NOM1: variants seen among roughly 807,000 people sequenced by gnomAD.
NOM1 encodes nucleolar protein with MIF4G domain 1, also known as nucleolar MIF4G domain-containing protein 1.
NOM1 carries 58 observed loss-of-function variants against 73.3 expected under a neutral mutation model. The ratio of observed to expected loss-of-function variants is 0.79; its 90% CI spans 0.64 to 0.99. The LOEUF (loss-of-function observed/expected upper bound fraction) is 0.99. Among genes scored for constraint, NOM1 ranks in the 50% least tolerant of loss-of-function variants. The probability of loss-of-function intolerance (pLI) is 0.00; values close to 1 mark genes in which losing one functional copy is unlikely to be tolerated. For missense variants in NOM1, 1,226 were observed against 1,131.9 expected (o/e 1.08, Z -1.19); for synonymous variants, 487 against 446.8 (o/e 1.09, Z -1.14).
intron 1 of NOM1, among the ~76,000 whole-genome samples, chr7:156,951,373 C>G (rs1303903219): frequency 2.0e-5 from 3 of 151,956 alleles, no homozygotes; most frequent in Non-Finnish European, 4.4e-5. Context: ...GGCGAGAGAG[C>G]CAGACTCTGT....
rs1270254933 is a variant in NOM1 at position 156,963,320 on chromosome 7, G to A, written c.1911+145G>A. The A allele has an allele frequency of 1.2e-5, 9 of 750,132 alleles. No individual in the cohort carries two copies. In the Admixed American group the frequency reaches 1.3e-4, roughly 11 times the overall value. The allele number at this position is 750,132 out of a possible 1,614,324, so 46.5% of individuals were successfully genotyped here. On this transcript the variant is annotated intron_variant, in intron 6 of 10. Coordinates refer to ENST00000275820, the MANE Select transcript of NOM1 (RefSeq NM_138400.2). ...TTTATCTGGAGGCCTTACAGAAATT[G>A]CTATTAATATTACATTGTGATATAA...
chr7:156,949,796 T>G lies in NOM1; in HGVS notation c.59T>G (p.Val20Gly), dbSNP rs1392638735. Residue 20 changes from valine to glycine, a missense_variant, in exon 1 of 11, where the codon GTC becomes GGC. Val to Gly is a moderately radical substitution (Grantham distance 109). Transcript: ENST00000275820. Reference protein sequence around the residue: ...AGPGGSQGRVVRMKRRGGRGP... With the variant: ...AGPGGSQGRVGRMKRRGGRGP... Reference sequence around the variant, plus strand: ...CCGGGCGGCTCCCAGGGACGCGTGGTCCGCATGAAGCGCAGAGGCGGGCGC... The same window carrying G: ...CCGGGCGGCTCCCAGGGACGCGTGGGCCGCATGAAGCGCAGAGGCGGGCGC... The G allele has an allele frequency of 7.0e-7, 1 of 1,420,532 alleles. No individual in the cohort carries two copies. The highest frequency in any genetic ancestry group is 1.5e-5 in the South Asian group (1 of 65,138). The allele number at this position is 1,420,532 out of a possible 1,614,324, so 88.0% of individuals were successfully genotyped here. A position where few individuals can be genotyped will look rare whatever the true frequency, so the allele number is the denominator to read the frequency against.
At chr7:156,964,082 G>A (rs1586573789) in intron 7 of NOM1, 56 bp downstream of exon 7, 2 of 1,576,868 alleles carry the variant, frequency 1.3e-6, no homozygotes, top group Admixed American at 3.5e-5. Flanking sequence ...AAATAAGTAA[G>A]TTGATTTGCT....
At position 156,962,164 on chromosome 7, in the gene NOM1, T is replaced by A. The variant is rs777790757; in HGVS notation, c.1646T>A (p.Leu549Gln). 10 of 1,613,912 alleles carry A rather than the reference T, an allele frequency of 6.2e-6. No homozygotes were observed. Among genetic ancestry groups the A allele is most frequent in the Non-Finnish European group, 7.6e-6 (9 of 1,179,838 alleles). The stretch of plus-strand genomic sequence containing the variant: ...TTTTTCTTGAAGATTCGGTTTATGC[T>A]AGAGACGATGTTGGCCCTGAAGAAC... ...FQDQTRIRFM[L>Q]ETMLALKNND... Residue 549 changes from leucine to glutamine, a missense_variant, in exon 5 of 11, where the codon CTA becomes CAA. Transcript: ENST00000275820.
At chr7:156,956,315 C>T (rs112553239) in intron 3 of NOM1, among the ~76,000 whole-genome samples, 12 of 152,206 alleles carry the variant, frequency 7.9e-5, no homozygotes, top group South Asian at 2.1e-4. Context: ...CATGCTGTAA[C>T]GCGCACGGTC....
At chr7:156,964,102 T>G (rs1225742862) in intron 7 of NOM1, 76 bp downstream of exon 7, 1 of 1,499,214 alleles carries the variant, frequency 6.7e-7, no homozygotes, top group Admixed American at 1.8e-5. Flanking sequence ...TTTTTGAGTT[T>G]TGGACGACTG....
intron 3 of NOM1, among the ~76,000 whole-genome samples, chr7:156,957,245 C>T (rs1019817332): frequency 2.6e-5 from 4 of 152,060 alleles, no homozygotes; most frequent in African/African-American, 4.8e-5. Context: ...GTGTTAAAGA[C>T]GATGGTGTCA....
At position 156,970,330 on chromosome 7, in the gene NOM1, G is replaced by C. The variant is rs1171849756; in HGVS notation, c.*627G>C. The stretch of plus-strand genomic sequence containing the variant: ...AATTAATAGATAAAACAGGCCACTA[G>C]AGGGTGCAGTTATAAAGAAATTGAT... On this transcript the variant is annotated 3_prime_UTR_variant, in exon 11 of 11. Coordinates refer to ENST00000275820, the MANE Select transcript of NOM1 (RefSeq NM_138400.2). 1 of 151,800 alleles carries C rather than the reference G, an allele frequency of 6.6e-6. No individual in the cohort carries two copies. The highest frequency in any genetic ancestry group is 2.4e-5 in the African/African-American group (1 of 41,304). The allele number at this position is 151,800 out of a possible 1,614,324, so 9.4% of individuals were successfully genotyped here.
At chr7:156,952,649 C>T (rs2134770901) in intron 2 of NOM1, 51 bp downstream of exon 2, 1 of 1,574,110 alleles carries the variant, frequency 6.4e-7, no homozygotes, top group Non-Finnish European at 8.6e-7. Context: ...TTGTCTGTTT[C>T]CTAAAATGTA....
chr7:156,963,583 T>G (rs1804922605), intron 6 of NOM1: 1 of 365,562 alleles, frequency 2.7e-6, no homozygotes, highest in African/African-American at 2.1e-5. Context: ...TGTCCTTCCC[T>G]GTCCCAGATT....
chr7:156,965,194 T>C (rs1804964893), intron 7 of NOM1, among the ~76,000 whole-genome samples: 6 of 152,258 alleles, frequency 3.9e-5, no homozygotes, highest in Admixed American at 3.9e-4. Context: ...GTACAGAGTG[T>C]CTGCCTCTGT....
In NOM1 at chr7:156,950,254, C is replaced by G; in HGVS notation, c.517C>G (p.Arg173Gly). The change falls in exon 1 of 11, where the codon CGG becomes GGG. Residue 173 changes from arginine (R) to glycine (G), a missense_variant. By Grantham distance (125) the Arg-to-Gly change is moderately radical. Transcript: ENST00000275820. Reference protein sequence around the residue: ...SAAATAAARKRALLAANEEED... With the variant: ...SAAATAAARKGALLAANEEED... The stretch of plus-strand genomic sequence containing the variant: ...AGCCGCCACCGCCGCTGCCCGGAAA[C>G]GGGCGCTTTTAGCGGCGAACGAGGA... The G allele has an allele frequency of 1.9e-6, 3 of 1,613,588 alleles. No individual in the cohort carries two copies. Among genetic ancestry groups the G allele is most frequent in the Non-Finnish European group, 2.5e-6 (3 of 1,179,698 alleles).
At chr7:156,951,062 C>CA in intron 1 of NOM1, among the ~76,000 whole-genome samples, 1 of 152,304 alleles carries the variant, frequency 6.6e-6, no homozygotes, top group East Asian at 1.9e-4. Context: ...TATCCGAGGA[C>CA]ATCTGCCGTG....
In NOM1 at chr7:156,950,571, G is replaced by A; in HGVS notation, c.834G>A (p.Ala278=). 1 of 1,604,136 alleles carries A rather than the reference G, an allele frequency of 6.2e-7. No homozygotes were observed. The highest frequency in any genetic ancestry group is 2.2e-5 in the East Asian group (1 of 44,458). The change falls in exon 1 of 11, where the codon GCG becomes GCA. Residue 278 remains alanine, a synonymous_variant. Transcript: ENST00000275820. ...EKEKKAQEAE[A]QSEDDDEDTE... is the part of the protein sequence containing the mutation. ...AAAAGAAGGCGCAGGAAGCAGAAGC[G>A]CAGAGCGAGGACGACGACGAGGATA...
intron 5 of NOM1, among the ~76,000 whole-genome samples, chr7:156,962,718 A>G (rs924888595): frequency 6.6e-6 from 1 of 152,120 alleles, no homozygotes; most frequent in Non-Finnish European, 1.5e-5. Flanking sequence ...AGGCTCTTCC[A>G]GGCATGTGCT....
intron 3 of NOM1, chr7:156,958,574 C>G (rs1345162197): frequency 2.0e-5 from 3 of 152,222 alleles, no homozygotes; most frequent in African/African-American, 7.2e-5. Flanking sequence ...CTGTTTTCTG[C>G]CTTCAAGTTT....
At position 156,950,732 on chromosome 7, in the gene NOM1, G is replaced by A; in HGVS notation, c.987+8G>A. On this transcript the variant is annotated splice_region_variant and intron_variant, in intron 1 of 10. Transcript: ENST00000275820. Reference sequence around the variant, plus strand: ...GGTGACATAACGGATAAGGTATCGTGTGAACACTCTCTAGGCCCTCTGGGA... The same window carrying A: ...GGTGACATAACGGATAAGGTATCGTATGAACACTCTCTAGGCCCTCTGGGA... The A allele has an allele frequency of 6.5e-7, 1 of 1,549,012 alleles. No individual in the cohort carries two copies. Among genetic ancestry groups the A allele is most frequent in the Non-Finnish European group, 8.7e-7 (1 of 1,145,416 alleles).
At chr7:156,953,044 T>C (rs1783504198) in intron 2 of NOM1, among the ~76,000 whole-genome samples, 1 of 152,214 alleles carries the variant, frequency 6.6e-6, no homozygotes, top group Non-Finnish European at 1.5e-5. Flanking sequence ...AGGTGGGGCT[T>C]TGTCAGTTAC....
At chr7:156,965,265 C>T (rs1039611510) in intron 7 of NOM1, among the ~76,000 whole-genome samples, 4 of 152,194 alleles carry the variant, frequency 2.6e-5, no homozygotes, top group South Asian at 4.1e-4. Context: ...AGCCCACATA[C>T]CCCTCAGTTG....
Sources: gnomAD v4.1 joint callset for allele counts (sites outside exome capture counted in the v4.1 genomes callset) on GRCh38, gnomAD v4.1.1 for gene constraint, MANE v1.5 for transcripts, NCBI Gene and HGNC (gene_info 2026-07-23, HGNC 2026-07-21) for gene names.